The following PCDHGA6 variants were observed in gnomAD, a reference collection of about 807,000 sequenced individuals.
The protein encoded by PCDHGA6 is protocadherin gamma-A6.
A neutral mutation model predicts 60.6 loss-of-function variants in PCDHGA6; 41 were observed. The observed-to-expected ratio is 0.68, with a 90% CI of 0.53 to 0.88. The LOEUF is 0.88. Among genes scored for constraint, PCDHGA6 ranks in the 40% least tolerant of loss-of-function variants. The pLI, the probability that PCDHGA6 is intolerant of heterozygous loss-of-function variation, is 0.00. For synonymous variants in PCDHGA6, 594 were observed against 524.4 expected, an observed-to-expected ratio of 1.13 and a Z score of -1.81; for missense variants, 1,312 against 1,203.0, an observed-to-expected ratio of 1.09 and a Z score of -1.34.
At chr5:141,389,596 C>T (rs768865727) in intron 1 of PCDHGA6, 2 of 1,613,132 alleles carry the variant, frequency 1.2e-6, no homozygotes, top group Non-Finnish European at 1.7e-6. Context: ...GACGGCTCTG[C>T]GCTCTTCGAT....
chr5:141,483,133 T>C (rs1263073911), intron 1 of PCDHGA6, among the ~76,000 whole-genome samples: 25 of 152,142 alleles, frequency 1.6e-4, no homozygotes, highest in South Asian at 1.2e-3. Flanking sequence ...GGAGATGAGG[T>C]GAAGCAAGTA....
chr5:141,410,135 G>T, intron 1 of PCDHGA6: 1 of 1,612,626 alleles, frequency 6.2e-7, no homozygotes, highest in Non-Finnish European at 8.5e-7. Context: ...CCTGCTGGTC[G>T]CTGTGCGTGA....
chr5:141,483,814 C>A (rs1262593892), intron 1 of PCDHGA6, among the ~76,000 whole-genome samples: 4 of 151,994 alleles, frequency 2.6e-5, no homozygotes, highest in African/African-American at 9.7e-5. Flanking sequence ...TTTTTGGCAG[C>A]CAGTGTAACC....
chr5:141,409,781 G>A lies in PCDHGA6; in HGVS notation c.2424+33274G>A, dbSNP rs753415525. On this transcript the variant is annotated intron_variant, in intron 1 of 3. Transcript: ENST00000517434. ...CGCCTTTGATCACGAGCAGCTGCGC[G>A]CCTTCGCGCTCACGCTGCAGGCCCG... is the stretch of plus-strand genomic sequence containing the variant. The A allele has an allele frequency of 8.7e-6, 14 of 1,612,178 alleles. No individual in the cohort carries two copies. The highest frequency in any genetic ancestry group is 6.7e-5 in the Admixed American group (4 of 59,882).
At chr5:141,424,526 T>C (rs1020206614) in intron 1 of PCDHGA6, 2 of 152,216 alleles carry the variant, frequency 1.3e-5, no homozygotes, top group Non-Finnish European at 2.9e-5. Context: ...AGTAAATCCA[T>C]ATATAGAAAT....
chr5:141,422,431 T>G, intron 1 of PCDHGA6: 1 of 1,608,846 alleles, frequency 6.2e-7, no homozygotes, highest in Non-Finnish European at 8.5e-7. Flanking sequence ...TTATGGAAAT[T>G]ATTACAAATT....
intron 1 of PCDHGA6, chr5:141,433,070 C>T: frequency 6.2e-7 from 1 of 1,614,174 alleles, no homozygotes; most frequent in Non-Finnish European, 8.5e-7. Flanking sequence ...CCTGATCTTC[C>T]CCCAGCCCAA....
At chr5:141,455,755 T>C (rs1283272521) in intron 1 of PCDHGA6, among the ~76,000 whole-genome samples, 1 of 152,150 alleles carries the variant, frequency 6.6e-6, no homozygotes, top group Non-Finnish European at 1.5e-5. Flanking sequence ...CTGGCCTGGC[T>C]CCTAGAGCCG....
intron 1 of PCDHGA6, chr5:141,433,201 CTTCT>C (rs759014851): frequency 3.9e-5 from 61 of 1,573,466 alleles, no homozygotes; most frequent in Admixed American, 1.2e-4. Flanking sequence ...TATATCAAAT[CTTCT>C]TTCTTTTTTT....
chr5:141,402,770 G>A (rs1381501918), intron 1 of PCDHGA6, among the ~76,000 whole-genome samples: 1 of 152,154 alleles, frequency 6.6e-6, no homozygotes, highest in Non-Finnish European at 1.5e-5. Context: ...GACTCCATCC[G>A]GATTTCCAGT....
chr5:141,391,895 A>C (rs1315243362), intron 1 of PCDHGA6: 1 of 152,202 alleles, frequency 6.6e-6, no homozygotes, highest in Non-Finnish European at 1.5e-5. Context: ...GATGGGATGG[A>C]GCTTTGCTTT....
At chr5:141,509,845 C>G (rs1021433327) in intron 3 of PCDHGA6, among the ~76,000 whole-genome samples, 1 of 152,190 alleles carries the variant, frequency 6.6e-6, no homozygotes, top group African/African-American at 2.4e-5. Context: ...CCCATTCACT[C>G]AGAACAGGGA....
At position 141,511,237 on chromosome 5, in the gene PCDHGA6, TG is replaced by T; in HGVS notation, c.*65del. 1 of 1,590,378 alleles carries T rather than the reference TG, an allele frequency of 6.3e-7. No individual in the cohort carries two copies. Among genetic ancestry groups the T allele is most frequent in the Non-Finnish European group, 8.6e-7 (1 of 1,168,304 alleles). On this transcript the variant is annotated 3_prime_UTR_variant, in exon 4 of 4. Transcript: ENST00000517434. ...CCAACCAGCCCAGCTTCTCCTTACC[TG>T]CACCCAGGCCTCAGAGTTTCAGGGC...
At chr5:141,404,488 T>A in intron 1 of PCDHGA6, 1 of 1,613,536 alleles carries the variant, frequency 6.2e-7, no homozygotes, top group Non-Finnish European at 8.5e-7. Context: ...CAGACACTGG[T>A]GTGCTGTATG....
At chr5:141,417,982 G>A (rs756382601) in intron 1 of PCDHGA6, 4 of 1,613,886 alleles carry the variant, frequency 2.5e-6, no homozygotes, top group Admixed American at 3.3e-5. Flanking sequence ...CGGAGGAGCT[G>A]GCCAAGGGCT....
Position 141,477,044 on chromosome 5 carries a change from C to T in PCDHGA6, c.2425-17763C>T, listed in dbSNP as rs750525889. ...CGGGATGCTGACAATCAAGGGTCGG[C>T]TGGACTTCGAGGACACCAAACTCCA... On this transcript the variant is annotated intron_variant, in intron 1 of 3. Coordinates refer to ENST00000517434, the MANE Select transcript of PCDHGA6 (RefSeq NM_018919.3). The surrounding 1 kb of genome is among the most constrained non-coding windows in gnomAD (Gnocchi z 4.9). 6.2e-7 allele frequency: 1 copy of T among 1,614,246 alleles called. No individual in the cohort carries two copies. Among genetic ancestry groups the T allele is most frequent in the Non-Finnish European group, 8.5e-7 (1 of 1,180,034 alleles).
intron 1 of PCDHGA6, chr5:141,389,522 G>A: frequency 6.2e-7 from 1 of 1,613,178 alleles, no homozygotes; most frequent in Non-Finnish European, 8.5e-7. Context: ...ACGTGAGCCT[G>A]CGCGTGTTAG....
At chr5:141,463,653 G>T (rs1378583183) in intron 1 of PCDHGA6, among the ~76,000 whole-genome samples, 1 of 151,764 alleles carries the variant, frequency 6.6e-6, no homozygotes. Context: ...GGGTTTCACC[G>T]TGTTAGCCAG....
intron 1 of PCDHGA6, chr5:141,421,189 C>T: frequency 1.4e-6 from 2 of 1,477,674 alleles, no homozygotes; most frequent in South Asian, 2.7e-5. Flanking sequence ...CACAACCAAC[C>T]AGCTCGAGAA....
Sources: gnomAD v4.1 joint callset for allele counts (sites outside exome capture counted in the v4.1 genomes callset) on GRCh38, gnomAD v4.1.1 for gene constraint, Gnocchi (gnomAD v3.1) non-coding constraint, MANE v1.5 for transcripts, NCBI Gene and HGNC (gene_info 2026-07-23, HGNC 2026-07-21) for gene names.